Variants in LRRC37A2 observed in about 807,000 individuals in gnomAD.
LRRC37A2 encodes the protein leucine-rich repeat-containing protein 37A2.
In LRRC37A2, 9 loss-of-function variants were observed where a neutral mutation model predicts 68.8. The observed-to-expected ratio is 0.13, with a 90% CI of 0.08 to 0.23. The LOEUF is 0.23. LRRC37A2 is among the 10% of genes least tolerant of loss of function. The probability of loss-of-function intolerance (pLI) is 1.00; values close to 1 mark genes in which losing one functional copy is unlikely to be tolerated. For missense variants in LRRC37A2, 168 were observed against 950.4 expected (o/e 0.18, Z 10.82); for synonymous variants, 63 against 367.6 (o/e 0.17, Z 9.48).
At chr17:46,499,202 C>T in the LRRC37A2 span, among the ~76,000 whole-genome samples, 7 of 141,666 alleles carry the variant, frequency 4.9e-5, no homozygotes, top group Non-Finnish European at 1.0e-4. Flanking sequence ...GTAATCCCAG[C>T]TACTTGAAGT....
At chr17:46,906,282 A>G in the LRRC37A2 span, among the ~76,000 whole-genome samples, 1 of 152,162 alleles carries the variant, frequency 6.6e-6, no homozygotes, top group African/African-American at 2.4e-5. Context: ...CCTCTCCCAT[A>G]AAAAATAGAC....
chr17:46,991,316 G>A, the LRRC37A2 span, among the ~76,000 whole-genome samples: 10 of 152,076 alleles, frequency 6.6e-5, no homozygotes, highest in Non-Finnish European at 1.5e-4. Flanking sequence ...ATTTAAAGAA[G>A]GGTCCTACTT....
chr17:46,747,606 T>C, the LRRC37A2 span, among the ~76,000 whole-genome samples: 1 of 152,090 alleles, frequency 6.6e-6, no homozygotes, highest in African/African-American at 2.4e-5. Context: ...TGTATTTTAA[T>C]TGCACAGGAT....
At chr17:46,939,024 G>C in the LRRC37A2 span, 1 of 1,302,504 alleles carries the variant, frequency 7.7e-7, no homozygotes, top group Non-Finnish European at 9.9e-7. Flanking sequence ...GCTCTCACTG[G>C]GGGAGGGAAA....
At chr17:46,923,612 C>G in the LRRC37A2 span, 2 of 1,258,264 alleles carry the variant, frequency 1.6e-6, no homozygotes, top group East Asian at 6.0e-5. Context: ...TAGGAGTGTA[C>G]TGTTTAATTG....
the LRRC37A2 span, chr17:46,872,888 C>G: frequency 8.1e-7 from 1 of 1,231,120 alleles, no homozygotes; most frequent in Non-Finnish European, 1.1e-6. Flanking sequence ...GGCCACACTG[C>G]CCTTCCTGCC....
chr17:46,900,048 A>G, the LRRC37A2 span, among the ~76,000 whole-genome samples: 62 of 150,974 alleles, frequency 4.1e-4, 1 homozygote, highest in Admixed American at 8.6e-4. Context: ...TCTTATCCAC[A>G]CAGCACAGTG....
chr17:46,821,046 T>A, the LRRC37A2 span: 2 of 152,156 alleles, frequency 1.3e-5, no homozygotes, highest in African/African-American at 4.8e-5. Flanking sequence ...GGCTGAGATA[T>A]GCCCAGCCAG....
chr17:47,034,043 A>C, the LRRC37A2 span, among the ~76,000 whole-genome samples: 1 of 152,200 alleles, frequency 6.6e-6, no homozygotes, highest in African/African-American at 2.4e-5. Flanking sequence ...GTGAATCTAA[A>C]AACACTCAAG....
In LRRC37A2 at chr17:46,550,941, G is replaced by A. The variant is rs865918899; in HGVS notation, c.4809+422G>A. ...GGAAGGAGAGAGCCAAAAGACATAC[G>A]TATTGTCTTGTAGACTTATTAGATT... On this transcript the variant is annotated intron_variant, in intron 11 of 14. Transcript: ENST00000576629. Among the ~76,000 whole-genome samples, 11 of 148,936 alleles carry A rather than the reference G, an allele frequency of 7.4e-5. No individual in the cohort carries two copies. The East Asian group carries it at 1.4e-3, about 18-fold the overall frequency.
the LRRC37A2 span, among the ~76,000 whole-genome samples, chr17:46,968,236 C>T: frequency 6.6e-6 from 1 of 152,192 alleles, no homozygotes; most frequent in African/African-American, 2.4e-5. Context: ...CAGAGACCTC[C>T]CTGCTCCAAC....
the LRRC37A2 span, among the ~76,000 whole-genome samples, chr17:46,699,402 G>GACACACACAC: frequency 2.0e-4 from 30 of 148,302 alleles, no homozygotes; most frequent in African/African-American, 4.2e-4. Flanking sequence ...ATAAACTGAG[G>GACACACACAC]ACACACACAC....
At chr17:46,851,610 A>T in the LRRC37A2 span, 11 of 1,225,342 alleles carry the variant, frequency 9.0e-6, no homozygotes, top group Non-Finnish European at 7.2e-6. The surrounding 1 kb of genome is among the most constrained non-coding windows in gnomAD (Gnocchi z 4.3). Context: ...GCGCGAGGAG[A>T]TGCTAGAGGG....
At chr17:46,769,315 C>CAAAAAAAA in the LRRC37A2 span, among the ~76,000 whole-genome samples, 1 of 102,860 alleles carries the variant, frequency 9.7e-6, no homozygotes, top group African/African-American at 3.6e-5. Flanking sequence ...GACTCCGTCT[C>CAAAAAAAA]AAAAAAAAAA....
At chr17:46,503,227 T>A in the LRRC37A2 span, among the ~76,000 whole-genome samples, 9,857 of 63,162 alleles carry the variant, frequency 0.16, 2,965 homozygotes, top group South Asian at 0.45. Flanking sequence ...AAAAAAAAAA[T>A]AGTCTTCATT....
At chr17:46,980,214 A>G in the LRRC37A2 span, among the ~76,000 whole-genome samples, 5 of 151,600 alleles carry the variant, frequency 3.3e-5, no homozygotes, top group Admixed American at 6.6e-5. Flanking sequence ...CAAACTACTG[A>G]GCTACAACAT....
the LRRC37A2 span, among the ~76,000 whole-genome samples, chr17:46,808,859 C>T: frequency 1.4e-3 from 211 of 152,222 alleles, 1 homozygote; most frequent in Non-Finnish European, 2.2e-3. Context: ...AGGCTCATCT[C>T]CACTCCTGGG....
the LRRC37A2 span, among the ~76,000 whole-genome samples, chr17:46,779,103 A>ACACACACACACACACACACCCCC: frequency 7.5e-6 from 1 of 133,590 alleles, no homozygotes; most frequent in Admixed American, 7.8e-5. Flanking sequence ...ACACACACAC[A>ACACACACACACACACACACCCCC]CCCCAGCCCA....
chr17:46,849,805 C>T, the LRRC37A2 span, among the ~76,000 whole-genome samples: 555 of 152,042 alleles, frequency 3.7e-3, 3 homozygotes, highest in African/African-American at 0.013. Flanking sequence ...GCAGGTATAA[C>T]GATCACTGAT....
Sources: gnomAD v4.1 joint callset for allele counts (sites outside exome capture counted in the v4.1 genomes callset) on GRCh38, gnomAD v4.1.1 for gene constraint, Gnocchi (gnomAD v3.1) non-coding constraint, MANE v1.5 for transcripts, NCBI Gene and HGNC (gene_info 2026-07-23, HGNC 2026-07-21) for gene names.